The following MTHFS variants were observed in gnomAD, a reference collection of about 807,000 sequenced individuals.
MTHFS encodes the protein methenyltetrahydrofolate synthetase.
In MTHFS, 7 loss-of-function variants were observed where a neutral mutation model predicts 12.7. That is an observed-to-expected ratio of 0.55 (90% CI 0.31 to 1.03). MTHFS has a LOEUF of 1.03. Among genes scored for constraint, MTHFS ranks in the 50% least tolerant of loss-of-function variants. The pLI, the probability that MTHFS is intolerant of heterozygous loss-of-function variation, is 0.05. For synonymous variants in MTHFS, 100 were observed against 97.1 expected (o/e 1.03, Z -0.18); for missense variants, 252 against 258.1 (o/e 0.98, Z 0.16).
intron 2 of MTHFS, among the ~76,000 whole-genome samples, chr15:79,886,087 A>G (rs574336831): frequency 6.6e-6 from 1 of 152,378 alleles, no homozygotes; most frequent in South Asian, 2.1e-4. Context: ...CATATATAAT[A>G]CAAGAATAGC....
chr15:79,851,582 A>G (rs546867112), intron 2 of MTHFS, among the ~76,000 whole-genome samples: 1 of 152,302 alleles, frequency 6.6e-6, no homozygotes, highest in South Asian at 2.1e-4. Context: ...ATATCCTGGA[A>G]AGAGAAGGAT....
intron 2 of MTHFS, among the ~76,000 whole-genome samples, chr15:79,866,007 G>A (rs2034003510): frequency 6.6e-6 from 1 of 151,570 alleles, no homozygotes; most frequent in African/African-American, 2.4e-5. Context: ...TAAGGTGAGG[G>A]AAGAGAGAAA....
chr15:79,866,911 G>A (rs939369371), intron 2 of MTHFS, among the ~76,000 whole-genome samples: 3 of 151,964 alleles, frequency 2.0e-5, no homozygotes, highest in Non-Finnish European at 4.4e-5. Flanking sequence ...AGCTGAGATC[G>A]TGCCATTGCA....
At chr15:79,892,825 C>A (rs189831996) in intron 1 of MTHFS, among the ~76,000 whole-genome samples, 2 of 152,180 alleles carry the variant, frequency 1.3e-5, no homozygotes, top group African/African-American at 4.8e-5. Flanking sequence ...GTGGCGCGCA[C>A]CTGTAGTCCC....
intron 2 of MTHFS, among the ~76,000 whole-genome samples, chr15:79,860,901 A>G (rs560461902): frequency 6.6e-6 from 1 of 152,186 alleles, no homozygotes; most frequent in Non-Finnish European, 1.5e-5. Flanking sequence ...ACCACTATTC[A>G]AAGTTAAAGA....
intron 2 of MTHFS, among the ~76,000 whole-genome samples, chr15:79,851,247 C>A (rs1269057224): frequency 1.3e-5 from 2 of 152,124 alleles, no homozygotes; most frequent in Non-Finnish European, 2.9e-5. Context: ...AGCTCTTATC[C>A]TATACTGTAA....
At chr15:79,896,716 GCGTGCGCGCGCCGGGAGGGGAAA>G (rs71874818) in intron 1 of MTHFS, 133 bp downstream of exon 1, 218,183 of 1,307,566 alleles carry the variant, frequency 0.17, 18,024 homozygotes, top group African/African-American at 0.25. Flanking sequence ...CGACTAGGGG[GCGTGCGCGCGCCGGGAGGGGAAA>G]CGTGCGCGCG....
intron 2 of MTHFS, among the ~76,000 whole-genome samples, chr15:79,863,693 A>C (rs1237461200): frequency 6.6e-6 from 1 of 152,142 alleles, no homozygotes; most frequent in Non-Finnish European, 1.5e-5. Flanking sequence ...TTTTCTCCCA[A>C]CACCCTCTCT....
chr15:79,887,505 C>T (rs8042012), intron 2 of MTHFS, among the ~76,000 whole-genome samples: 63,883 of 151,938 alleles, frequency 0.42, 13,783 homozygotes, highest in East Asian at 0.54. Context: ...AAGTAAAATT[C>T]CAATTAGCAG....
At chr15:79,849,090 G>C (rs1036580493) in intron 2 of MTHFS, among the ~76,000 whole-genome samples, 1 of 152,142 alleles carries the variant, frequency 6.6e-6, no homozygotes, top group Non-Finnish European at 1.5e-5. Context: ...TGGATTCCCA[G>C]GTAACTAAGG....
chr15:79,860,128 G>A (rs1426068462), intron 2 of MTHFS, among the ~76,000 whole-genome samples: 2 of 152,092 alleles, frequency 1.3e-5, no homozygotes, highest in Non-Finnish European at 2.9e-5. Flanking sequence ...GGTGGCTCAC[G>A]CCTGTAATCC....
intron 2 of MTHFS, chr15:79,875,819 G>C (rs776090358): frequency 6.6e-6 from 1 of 152,012 alleles, no homozygotes; most frequent in African/African-American, 2.4e-5. Flanking sequence ...TATCTGACAA[G>C]GAACTTATTA....
At chr15:79,885,132 A>G (rs1031745676) in intron 2 of MTHFS, among the ~76,000 whole-genome samples, 8 of 152,224 alleles carry the variant, frequency 5.3e-5, no homozygotes, top group Admixed American at 3.9e-4. Context: ...AGTCAATGTG[A>G]GCTACTCACA....
chr15:79,850,177 T>A (rs551246759), intron 2 of MTHFS, among the ~76,000 whole-genome samples: 18 of 152,356 alleles, frequency 1.2e-4, no homozygotes, highest in Non-Finnish European at 1.5e-4. Context: ...TCTATTTTTT[T>A]AAAAAGAAAT....
At chr15:79,875,369 T>C (rs1040239843) in intron 2 of MTHFS, among the ~76,000 whole-genome samples, 11 of 150,746 alleles carry the variant, frequency 7.3e-5, no homozygotes, top group Admixed American at 7.3e-4. Flanking sequence ...GCAGTGAAAA[T>C]AACACATTCA....
intron 2 of MTHFS, among the ~76,000 whole-genome samples, chr15:79,870,608 C>G (rs1220226655): frequency 6.6e-6 from 1 of 152,128 alleles, no homozygotes; most frequent in Non-Finnish European, 1.5e-5. Flanking sequence ...AATATTCCAT[C>G]TGACCAAGAA....
intron 2 of MTHFS, chr15:79,875,933 A>G (rs914320139): frequency 1.3e-5 from 2 of 152,122 alleles, no homozygotes; most frequent in South Asian, 2.1e-4. Flanking sequence ...TTGGCTCACC[A>G]CTAAGCTATA....
upstream of MTHFS, chr15:79,897,021 G>C: frequency 6.7e-7 from 1 of 1,491,538 alleles, no homozygotes; most frequent in Non-Finnish European, 8.9e-7. Flanking sequence ...TCCCGCCCTC[G>C]GCGCCCTGGG....
Position 79,844,582 on chromosome 15 carries a change from ATCTTAAAC to A in MTHFS, c.*620_*627del, listed in dbSNP as rs1325670900. ...TAATTTCTAACTTATAAGATACTAG[ATCTTAAAC>A]TCATCAAGGGCTGATACATGCAGTG... On this transcript the variant is annotated 3_prime_UTR_variant, in exon 3 of 3. Coordinates refer to ENST00000258874, the MANE Select transcript of MTHFS (RefSeq NM_006441.4). Among the ~76,000 whole-genome samples the A allele has an allele frequency of 2.0e-5, 3 of 152,166 alleles. No individual in the cohort carries two copies. Among genetic ancestry groups the A allele is most frequent in the Non-Finnish European group, 4.4e-5 (3 of 68,026 alleles).
Sources: allele counts gnomAD v4.1 joint callset (sites outside exome capture counted in the v4.1 genomes callset), GRCh38; gene constraint gnomAD v4.1.1; transcripts MANE v1.5; gene names NCBI Gene and HGNC (gene_info 2026-07-23, HGNC 2026-07-21).